CELA2A: variants seen among roughly 807,000 people sequenced by gnomAD.
The protein encoded by CELA2A is chymotrypsin like elastase 2A.
CELA2A carries 31 observed loss-of-function variants against 35.3 expected under a neutral mutation model. That is an observed-to-expected ratio of 0.88 (90% confidence interval 0.66 to 1.19). The LOEUF is 1.19. Ranked by LOEUF, CELA2A falls within the 50% of genes most tolerant of loss-of-function variation. CELA2A has a pLI of 0.00. For synonymous variants in CELA2A, 150 were observed against 149.8 expected, an observed-to-expected ratio of 1.00 and a Z score of -0.01; for missense variants, 330 against 352.9, an observed-to-expected ratio of 0.94 and a Z score of 0.52.
intron 5 of CELA2A, 89 bp from the exon 6 acceptor site, chr1:15,465,910 A>G: frequency 6.8e-7 from 1 of 1,476,266 alleles, no homozygotes; most frequent in East Asian, 2.3e-5. Flanking sequence ...GATGGAAGAC[A>G]GGAACAGGGG....
chr1:15,462,259 TATA>T (rs1447543229), intron 3 of CELA2A: 1 of 462,432 alleles, frequency 2.2e-6, no homozygotes, highest in Admixed American at 2.4e-5. Flanking sequence ...CCATCCGATT[TATA>T]ATAAGCTCTA....
intron 2 of CELA2A, among the ~76,000 whole-genome samples, chr1:15,458,314 A>C (rs1225007185): frequency 6.6e-6 from 1 of 152,172 alleles, no homozygotes; most frequent in Non-Finnish European, 1.5e-5. Flanking sequence ...CTACTTCAAG[A>C]GCAATTTTTT....
intron 2 of CELA2A, 69 bp from the exon 3 acceptor site, chr1:15,461,492 G>C (rs1708433055): frequency 3.6e-5 from 57 of 1,561,902 alleles, no homozygotes; most frequent in Non-Finnish European, 4.8e-5. Flanking sequence ...CCCCGTTCTT[G>C]GGAAACTGGA....
intron 5 of CELA2A, among the ~76,000 whole-genome samples, chr1:15,464,698 C>G (rs1365185547): frequency 6.6e-6 from 1 of 152,136 alleles, no homozygotes; most frequent in African/African-American, 2.4e-5. Context: ...GCATTTCATG[C>G]TTATTAAGAT....
At chr1:15,463,192 AG>A (rs1467717164) in intron 4 of CELA2A, among the ~76,000 whole-genome samples, 193 bp from the exon 5 acceptor site, 6 of 152,142 alleles carry the variant, frequency 3.9e-5, no homozygotes, top group Admixed American at 6.5e-5. Context: ...TCCCTGGAGT[AG>A]GACACAATCT....
chr1:15,457,173 A>G lies in CELA2A; in HGVS notation c.128A>G (p.Gln43Arg). 6.2e-7 allele frequency: 1 copy of G among 1,614,070 alleles called. No individual in the cohort carries two copies. The highest frequency in any genetic ancestry group is 1.3e-5 in the African/African-American group (1 of 75,052). ...EEARPNSWPW[Q>R]VSLQYSSNGK... ...GCGAGGCCCAACAGCTGGCCCTGGC[A>G]GGTGAGTTGACCACACTGTACTTCT... Residue 43 changes from glutamine to arginine, a missense_variant and splice_region_variant, in exon 2 of 8, where the codon CAG becomes CGG. By Grantham distance (43) the Gln-to-Arg change is conservative. Coordinates refer to ENST00000359621, the MANE Select transcript of CELA2A (RefSeq NM_033440.3).
At chr1:15,462,908 A>C in intron 4 of CELA2A, 47 bp downstream of exon 4, 1 of 1,613,226 alleles carries the variant, frequency 6.2e-7, no homozygotes, top group Non-Finnish European at 8.5e-7. Flanking sequence ...GTCAGGGAAC[A>C]GATGGGGGTC....
chr1:15,471,820 TC>T (rs977712788), intron 7 of CELA2A, among the ~76,000 whole-genome samples, 169 bp from the exon 8 acceptor site: 3 of 152,032 alleles, frequency 2.0e-5, no homozygotes, highest in African/African-American at 7.2e-5. Context: ...AAAGCTGTGA[TC>T]ACATCTTTTT....
At chr1:15,465,773 A>T in intron 5 of CELA2A, 1 of 554,734 alleles carries the variant, frequency 1.8e-6, no homozygotes, top group East Asian at 2.8e-5. Flanking sequence ...CCGGAATCTC[A>T]TAGACCCCAT....
At chr1:15,463,263 G>A (rs1316687756) in intron 4 of CELA2A, 123 bp from the exon 5 acceptor site, 46 of 1,480,086 alleles carry the variant, frequency 3.1e-5, no homozygotes, top group Non-Finnish European at 4.1e-5. Flanking sequence ...CTGGGGCCCT[G>A]CCAGTCAGAG....
chr1:15,468,936 G>A (rs77073380), intron 7 of CELA2A, among the ~76,000 whole-genome samples: 2,287 of 152,306 alleles, frequency 0.015, 46 homozygotes, highest in African/African-American at 0.036. Flanking sequence ...CAGGCACTTT[G>A]GGAGGTCAAG....
chr1:15,463,046 G>A, intron 4 of CELA2A, 185 bp downstream of exon 4: 1 of 1,002,902 alleles, frequency 1.0e-6, no homozygotes, highest in Non-Finnish European at 1.5e-6. Flanking sequence ...GTGACCTGGG[G>A]AGGGTGAAGC....
intron 3 of CELA2A, 128 bp from the exon 4 acceptor site, chr1:15,462,605 A>G: frequency 8.9e-7 from 1 of 1,126,316 alleles, no homozygotes; most frequent in Non-Finnish European, 1.3e-6. Flanking sequence ...TGATTGTCCC[A>G]GGGGAGGAAA....
intron 4 of CELA2A, 167 bp downstream of exon 4, chr1:15,463,028 G>A: frequency 1.8e-6 from 2 of 1,120,746 alleles, no homozygotes; most frequent in Non-Finnish European, 2.6e-6. Flanking sequence ...GATGTCTGGG[G>A]TGGGGATGTG....
chr1:15,466,215 C>A (rs1269243598), intron 6 of CELA2A, 71 bp downstream of exon 6: 1 of 1,526,912 alleles, frequency 6.5e-7, no homozygotes, highest in Non-Finnish European at 9.0e-7. Flanking sequence ...GAGGTCCATC[C>A]CTCCATAGGT....
chr1:15,459,995 A>T (rs1708412517), intron 2 of CELA2A, among the ~76,000 whole-genome samples: 1 of 151,914 alleles, frequency 6.6e-6, no homozygotes. Context: ...ACTAACGAAG[A>T]TGAATGATAT....
intron 4 of CELA2A, 34 bp from the exon 5 acceptor site, chr1:15,463,352 C>G (rs200200369): frequency 3.1e-5 from 50 of 1,612,302 alleles, no homozygotes; most frequent in Non-Finnish European, 4.2e-5. Flanking sequence ...AAAAGTCAAC[C>G]CGGTCCTCAT....
At position 15,462,845 on chromosome 1, in the gene CELA2A, A is replaced by G. The variant is rs1364152934; in HGVS notation, c.340A>G (p.Asn114Asp). 3.1e-6 allele frequency: 5 copies of G among 1,614,100 alleles called. No homozygotes were observed. Among genetic ancestry groups the G allele is most frequent in the African/African-American group, 2.7e-5 (2 of 75,038 alleles). Residue 114 changes from asparagine (N) to aspartate (D), a missense_variant, in exon 4 of 8, where the codon AAC (asparagine) becomes GAC (aspartate). Asn to Asp is a conservative substitution (Grantham distance 23, BLOSUM62 1). Coordinates refer to ENST00000359621, the MANE Select transcript of CELA2A (RefSeq NM_033440.3). ...TGTGGTGCACAAGGACTGGAACTCCAACCAAATCTCCAAAGGGTTCGTTTC... is the reference window on the plus strand; with the variant it reads ...TGTGGTGCACAAGGACTGGAACTCCGACCAAATCTCCAAAGGGTTCGTTTC... Reference protein sequence around the residue: ...KIVVHKDWNSNQISKGNDIAL... With the variant: ...KIVVHKDWNSDQISKGNDIAL...
intron 5 of CELA2A, among the ~76,000 whole-genome samples, chr1:15,465,226 G>A (rs548330346): frequency 6.6e-6 from 1 of 152,076 alleles, no homozygotes; most frequent in Non-Finnish European, 1.5e-5. Flanking sequence ...GGCCAGGCTG[G>A]TCTCAAACTC....
Sources: gnomAD v4.1 joint callset for allele counts (sites outside exome capture counted in the v4.1 genomes callset) on GRCh38, gnomAD v4.1.1 for gene constraint, MANE v1.5 for transcripts, NCBI Gene and HGNC (gene_info 2026-07-23, HGNC 2026-07-21) for gene names.